The following CAMK4 variants were observed in gnomAD, a reference collection of about 807,000 sequenced individuals.
CAMK4 encodes calcium/calmodulin dependent protein kinase IV, also known as calcium/calmodulin-dependent protein kinase type IV.
CAMK4 carries 22 observed loss-of-function variants against 44.9 expected under a neutral mutation model. The observed-to-expected ratio is 0.49, with a 90% CI of 0.35 to 0.70. The LOEUF (loss-of-function observed/expected upper bound fraction) is 0.70. Among genes scored for constraint, CAMK4 ranks in the 30% least tolerant of loss-of-function variants. CAMK4 has a pLI of 0.01. For synonymous variants in CAMK4, 218 were observed against 215.4 expected (o/e 1.01, Z -0.11); for missense variants, 498 against 586.8 (o/e 0.85, Z 1.56).
intron 1 of CAMK4, among the ~76,000 whole-genome samples, chr5:111,342,804 T>C (rs1371680496): frequency 6.6e-6 from 1 of 151,630 alleles, no homozygotes; most frequent in Non-Finnish European, 1.5e-5. Flanking sequence ...ATAATATGCA[T>C]CTTTAATCAG....
chr5:111,250,849 G>A (rs967912669), intron 1 of CAMK4, among the ~76,000 whole-genome samples: 1 of 152,066 alleles, frequency 6.6e-6, no homozygotes, highest in African/African-American at 2.4e-5. Context: ...TCCCTGTGTT[G>A]CCAGGGTGGT....
At chr5:111,418,372 T>C (rs1752888570) in intron 5 of CAMK4, among the ~76,000 whole-genome samples, 1 of 152,066 alleles carries the variant, frequency 6.6e-6, no homozygotes, top group Non-Finnish European at 1.5e-5. Context: ...GACCACAGGA[T>C]GGGGTGAAAT....
chr5:111,434,869 G>C (rs1208001054), intron 5 of CAMK4, among the ~76,000 whole-genome samples: 1 of 152,028 alleles, frequency 6.6e-6, no homozygotes, highest in Non-Finnish European at 1.5e-5. Context: ...TTTTCTTTCT[G>C]TAATGACTGT....
rs79618356 is a variant in CAMK4, at chr5:111,329,544, G to T, written c.162-14480G>T. 1.6e-4 allele frequency among the ~76,000 whole-genome samples: 24 copies of T among 151,806 alleles called. No homozygotes were observed. In the East Asian group the frequency reaches 4.7e-3, roughly 30 times the overall value. ...TAAGAGAAAATAATATTATAGATTT[G>T]TCCCTCATGGTTTTATTTTTGCATA... On this transcript the variant is annotated intron_variant, in intron 1 of 10. Transcript: ENST00000282356.
chr5:111,271,982 G>A (rs1750535815), intron 1 of CAMK4, among the ~76,000 whole-genome samples: 1 of 152,092 alleles, frequency 6.6e-6, no homozygotes, highest in South Asian at 2.1e-4. Context: ...AATATTCTGA[G>A]AAGTATTATC....
At chr5:111,409,159 A>T (rs947166369) in intron 5 of CAMK4, among the ~76,000 whole-genome samples, 4 of 152,182 alleles carry the variant, frequency 2.6e-5, no homozygotes, top group Non-Finnish European at 4.4e-5. Flanking sequence ...ACAACCCTAT[A>T]TTTCCCCTCT....
intron 7 of CAMK4, chr5:111,449,480 G>T (rs1736421348): frequency 4.2e-6 from 1 of 239,168 alleles, no homozygotes; most frequent in Non-Finnish European, 8.0e-6. Flanking sequence ...CATCACCACA[G>T]AGGGCAAGGA....
At chr5:111,416,963 C>T (rs1473157298) in intron 5 of CAMK4, among the ~76,000 whole-genome samples, 1 of 152,152 alleles carries the variant, frequency 6.6e-6, no homozygotes, top group Non-Finnish European at 1.5e-5. Flanking sequence ...TTCAGCCAGT[C>T]TTCCAAAAGA....
chr5:111,233,076 T>C (rs1332838474), intron 1 of CAMK4, among the ~76,000 whole-genome samples: 11 of 152,182 alleles, frequency 7.2e-5, no homozygotes. Context: ...TTTTGATTTT[T>C]AAAAATGCAA....
intron 1 of CAMK4, among the ~76,000 whole-genome samples, chr5:111,317,576 T>A (rs1204050552): frequency 6.6e-6 from 1 of 151,758 alleles, no homozygotes; most frequent in African/African-American, 2.4e-5. Flanking sequence ...CTACAAAGAG[T>A]TTGAACTTAC....
chr5:111,361,129 T>A (rs991652001), intron 2 of CAMK4, among the ~76,000 whole-genome samples: 2 of 152,080 alleles, frequency 1.3e-5, no homozygotes, highest in African/African-American at 4.8e-5. Flanking sequence ...CTAAGCTTTC[T>A]TCTAAGAGCA....
At chr5:111,443,697 C>T (rs2112966641) in intron 5 of CAMK4, among the ~76,000 whole-genome samples, 1 of 152,178 alleles carries the variant, frequency 6.6e-6, no homozygotes, top group Non-Finnish European at 1.5e-5. Flanking sequence ...TGAGGATCTT[C>T]ATATAATTAG....
intron 1 of CAMK4, among the ~76,000 whole-genome samples, chr5:111,289,603 A>G (rs1751365233): frequency 6.6e-6 from 1 of 152,218 alleles, no homozygotes; most frequent in Non-Finnish European, 1.5e-5. Context: ...CACACCATTT[A>G]TTCTAGATTT....
intron 5 of CAMK4, among the ~76,000 whole-genome samples, chr5:111,437,360 T>C (rs1453142798): frequency 1.3e-5 from 2 of 152,230 alleles, no homozygotes; most frequent in East Asian, 3.8e-4. Context: ...AGTAGAACAA[T>C]ATGTGCATCT....
In CAMK4 at chr5:111,224,823, C is replaced by A. The variant is rs78374963; in HGVS notation, c.161+179C>A. Among the ~76,000 whole-genome samples, 3,329 of 152,134 alleles carry A rather than the reference C, an allele frequency of 0.022. 129 individuals are homozygous for A. The highest frequency in any genetic ancestry group is 0.077 in the African/African-American group (3,183 of 41,450). On this transcript the variant is annotated intron_variant, in intron 1 of 10. Transcript: ENST00000282356. This position sits in a 1 kb window ranked among gnomAD's most constrained non-coding sequence, Gnocchi z 5.7. ...GGTGCGGCTCGAGTCCTTCCCACCC[C>A]ACCAGAGCGCCTAGGCCGGTGCAGC...
At chr5:111,301,247 A>C (rs560453176) in intron 1 of CAMK4, among the ~76,000 whole-genome samples, 3 of 152,366 alleles carry the variant, frequency 2.0e-5, no homozygotes, top group South Asian at 2.1e-4. Context: ...GAGAATGTCA[A>C]CAAATGGCTT....
intron 2 of CAMK4, among the ~76,000 whole-genome samples, chr5:111,371,543 A>G (rs1392156532): frequency 9.9e-5 from 15 of 152,126 alleles, no homozygotes; most frequent in Admixed American, 9.8e-4. Context: ...CTGTGACCCA[A>G]TTATTTAACA....
chr5:111,274,933 G>C (rs1304363254), intron 1 of CAMK4, among the ~76,000 whole-genome samples: 1 of 151,550 alleles, frequency 6.6e-6, no homozygotes, highest in African/African-American at 2.4e-5. Flanking sequence ...CCAGTATATT[G>C]TTATATCTAA....
intron 1 of CAMK4, among the ~76,000 whole-genome samples, chr5:111,311,839 G>A (rs1049567476): frequency 6.6e-6 from 1 of 152,126 alleles, no homozygotes; most frequent in African/African-American, 2.4e-5. Flanking sequence ...TGGGTAATTT[G>A]TCAGTCTTCC....
Sources: allele counts gnomAD v4.1 joint callset (sites outside exome capture counted in the v4.1 genomes callset), GRCh38; gene constraint gnomAD v4.1.1; non-coding constraint Gnocchi (gnomAD v3.1); transcripts MANE v1.5; gene names NCBI Gene and HGNC (gene_info 2026-07-23, HGNC 2026-07-21).